The following CNTNAP5 variants were observed in gnomAD, a reference collection of about 807,000 sequenced individuals.
The protein encoded by CNTNAP5 is contactin-associated protein-like 5.
A neutral mutation model predicts 150.2 loss-of-function variants in CNTNAP5; 72 were observed. The ratio of observed to expected loss-of-function variants is 0.48; its 90% confidence interval spans 0.40 to 0.58. The LOEUF is 0.58. Ranked by LOEUF, CNTNAP5 falls within the 20% of genes least tolerant of loss-of-function variation. The pLI is 0.00. For synonymous variants in CNTNAP5, 672 were observed against 619.8 expected, an observed-to-expected ratio of 1.08 and a Z score of -1.25; for missense variants, 1,636 against 1,626.2, an observed-to-expected ratio of 1.01 and a Z score of -0.10.
At chr2:124,342,391 T>C (rs1689639796) in intron 3 of CNTNAP5, among the ~76,000 whole-genome samples, 1 of 152,156 alleles carries the variant, frequency 6.6e-6, no homozygotes, top group Non-Finnish European at 1.5e-5. Context: ...CTTGGGTTTG[T>C]CAGAGAGTGA....
intron 10 of CNTNAP5, among the ~76,000 whole-genome samples, chr2:124,558,437 T>C (rs1381462639): frequency 6.6e-6 from 1 of 152,182 alleles, no homozygotes; most frequent in African/African-American, 2.4e-5. Flanking sequence ...GAAAGTAATA[T>C]CTATTAGACA....
intron 7 of CNTNAP5, 77 bp from the exon 8 acceptor site, chr2:124,504,215 A>AGGT: frequency 2.1e-6 from 3 of 1,407,006 alleles, no homozygotes; most frequent in Non-Finnish European, 3.0e-6. Context: ...GGTCAGCTCC[A>AGGT]GGTGGTTGTT....
chr2:124,262,674 A>T (rs1271994236), intron 3 of CNTNAP5, among the ~76,000 whole-genome samples: 1 of 151,754 alleles, frequency 6.6e-6, no homozygotes, highest in Non-Finnish European at 1.5e-5. Flanking sequence ...TAATACTTTA[A>T]GTTCTAGGGT....
chr2:124,163,614 T>C (rs1041035375), intron 1 of CNTNAP5, among the ~76,000 whole-genome samples: 4 of 152,164 alleles, frequency 2.6e-5, no homozygotes, highest in African/African-American at 9.7e-5. Flanking sequence ...ACACTGGCTT[T>C]GCTTGAAGTT....
In CNTNAP5 at chr2:124,126,568, C is replaced by A. The variant is rs184670902; in HGVS notation, c.83-95137C>A. 6.6e-5 allele frequency among the ~76,000 whole-genome samples: 10 copies of A among 152,218 alleles called. No homozygotes were observed. The South Asian group carries it at 1.0e-3, about 16-fold the overall frequency. ...TTCTTAACTCATTTTATGAGGCCAG[C>A]AGCATCCTGATACCAAAGCCTGGCA... On this transcript the variant is annotated intron_variant, in intron 1 of 23. Coordinates refer to ENST00000682447, the MANE Select transcript of CNTNAP5 (RefSeq NM_001367498.1).
intron 1 of CNTNAP5, among the ~76,000 whole-genome samples, chr2:124,111,929 C>A (rs997999911): frequency 6.6e-6 from 1 of 152,198 alleles, no homozygotes. Context: ...GTCTTTCTCA[C>A]TTCTGTCCTG....
chr2:124,234,696 T>C (rs1461252981), intron 2 of CNTNAP5, among the ~76,000 whole-genome samples: 3 of 152,074 alleles, frequency 2.0e-5, no homozygotes, highest in Non-Finnish European at 2.9e-5. Context: ...CTCACTTCTT[T>C]TATAACTTCT....
intron 1 of CNTNAP5, among the ~76,000 whole-genome samples, chr2:124,135,372 G>A (rs1246320778): frequency 1.3e-5 from 2 of 152,204 alleles, no homozygotes; most frequent in Non-Finnish European, 2.9e-5. Context: ...GGGACCTTGG[G>A]CTGGCCCGTA....
chr2:124,270,370 G>A (rs72962881), intron 3 of CNTNAP5, among the ~76,000 whole-genome samples: 203 of 152,216 alleles, frequency 1.3e-3, no homozygotes, highest in African/African-American at 4.5e-3. Context: ...CTCTCATAGG[G>A]AGCTTAGCAG....
At chr2:124,191,308 C>T (rs139739316) in intron 1 of CNTNAP5, among the ~76,000 whole-genome samples, 198 of 152,180 alleles carry the variant, frequency 1.3e-3, no homozygotes, top group African/African-American at 4.4e-3. Context: ...TTCTCTGAAC[C>T]GCTTAGTTGT....
chr2:124,853,176 G>A (rs1683190988), intron 19 of CNTNAP5, among the ~76,000 whole-genome samples: 1 of 152,200 alleles, frequency 6.6e-6, no homozygotes. Flanking sequence ...GTGGTCCAGA[G>A]TCTGGATCAG....
At chr2:124,030,731 G>A (rs147677033) in intron 1 of CNTNAP5, among the ~76,000 whole-genome samples, 3 of 152,178 alleles carry the variant, frequency 2.0e-5, no homozygotes, top group African/African-American at 4.8e-5. Context: ...AGCCTCATCT[G>A]GATGAGCACT....
At chr2:124,510,506 T>TAC (rs1553474728) in intron 8 of CNTNAP5, among the ~76,000 whole-genome samples, 4 of 63,464 alleles carry the variant, frequency 6.3e-5, no homozygotes, top group Admixed American at 3.7e-4. Context: ...TATATATATA[T>TAC]ATATATATAT....
chr2:124,483,950 G>T (rs1241442237), intron 7 of CNTNAP5, among the ~76,000 whole-genome samples: 4 of 152,080 alleles, frequency 2.6e-5, no homozygotes, highest in Non-Finnish European at 5.9e-5. Flanking sequence ...TGCCCTTATG[G>T]TTTGACCCTT....
chr2:124,741,054 T>G (rs1680487944), intron 13 of CNTNAP5, among the ~76,000 whole-genome samples: 1 of 152,196 alleles, frequency 6.6e-6, no homozygotes. Flanking sequence ...TGCTCATCAG[T>G]GCAGCAAATT....
At chr2:124,412,479 A>G (rs1035937681) in intron 3 of CNTNAP5, among the ~76,000 whole-genome samples, 1 of 151,264 alleles carries the variant, frequency 6.6e-6, no homozygotes, top group Non-Finnish European at 1.5e-5. Context: ...ACTTCAAACT[A>G]TACTACAAGG....
chr2:124,356,991 T>C (rs934883465), intron 3 of CNTNAP5, among the ~76,000 whole-genome samples: 1 of 152,144 alleles, frequency 6.6e-6, no homozygotes, highest in African/African-American at 2.4e-5. Flanking sequence ...TTTTTAATGA[T>C]TGCCATTCTA....
intron 3 of CNTNAP5, among the ~76,000 whole-genome samples, chr2:124,314,079 G>C (rs969868940): frequency 6.6e-6 from 1 of 152,166 alleles, no homozygotes. Flanking sequence ...ATGATTTGTA[G>C]TAAAACTGAG....
rs564326410 is a variant in CNTNAP5 at position 124,536,016 on chromosome 2, G to A, written c.1649+8560G>A. ...GATTACATTGCGCGGTAATACATATGTTTTAGTTCTTCTCTAAAATTGAAA... is the reference window on the plus strand; with the variant it reads ...GATTACATTGCGCGGTAATACATATATTTTAGTTCTTCTCTAAAATTGAAA... On this transcript the variant is annotated intron_variant, in intron 10 of 23. Transcript: ENST00000682447. 4.6e-5 allele frequency among the ~76,000 whole-genome samples: 7 copies of A among 152,236 alleles called. No individual in the cohort carries two copies. The South Asian group carries it at 1.5e-3, about 32-fold the overall frequency.
Sources: gnomAD v4.1 joint callset for allele counts (sites outside exome capture counted in the v4.1 genomes callset) on GRCh38, gnomAD v4.1.1 for gene constraint, MANE v1.5 for transcripts, NCBI Gene and HGNC (gene_info 2026-07-23, HGNC 2026-07-21) for gene names.